Variants in MARCHF6 observed in about 807,000 individuals in gnomAD.
MARCHF6 encodes E3 ubiquitin-protein ligase MARCHF6.
In MARCHF6, 31 loss-of-function variants were observed where a neutral mutation model predicts 133.7. The observed-to-expected ratio is 0.23, with a 90% CI of 0.17 to 0.31. MARCHF6 has a LOEUF of 0.31. Ranked by LOEUF, MARCHF6 falls within the 10% of genes least tolerant of loss-of-function variation. MARCHF6 has a pLI of 1.00. For synonymous variants in MARCHF6, 395 were observed against 402.5 expected, an observed-to-expected ratio of 0.98 and a Z score of 0.22; for missense variants, 723 against 1,121.6, an observed-to-expected ratio of 0.64 and a Z score of 5.08.
chr5:10,403,769 A>G (rs1053724635), intron 15 of MARCHF6, among the ~76,000 whole-genome samples: 2 of 152,202 alleles, frequency 1.3e-5, no homozygotes, highest in Non-Finnish European at 2.9e-5. Context: ...TGAGTTTGAA[A>G]GACGATTCAA....
chr5:10,379,869 G>T (rs368008780), intron 3 of MARCHF6, among the ~76,000 whole-genome samples: 17 of 152,252 alleles, frequency 1.1e-4, no homozygotes, highest in African/African-American at 3.9e-4. Context: ...GCTTCCCAAA[G>T]TGTTGGGATT....
intron 24 of MARCHF6, among the ~76,000 whole-genome samples, chr5:10,428,839 T>C (rs1740226311): frequency 6.6e-6 from 1 of 152,228 alleles, no homozygotes; most frequent in Non-Finnish European, 1.5e-5. Flanking sequence ...TTTTCATTTT[T>C]AAAAATTTTA....
At chr5:10,377,918 A>G (rs761991208) in intron 2 of MARCHF6, 24 bp downstream of exon 2, 3 of 1,445,218 alleles carry the variant, frequency 2.1e-6, no homozygotes, top group Non-Finnish European at 2.9e-6. Context: ...TTAGAAAGTT[A>G]TGTAAGTCTG....
At chr5:10,417,700 G>A (rs1262952771) in intron 22 of MARCHF6, among the ~76,000 whole-genome samples, 1 of 112,884 alleles carries the variant, frequency 8.9e-6, no homozygotes, top group African/African-American at 3.5e-5. Flanking sequence ...CTGGGCAACA[G>A]AGTAAGAGCC....
intron 25 of MARCHF6, among the ~76,000 whole-genome samples, chr5:10,432,686 C>T (rs1001703403): frequency 2.6e-5 from 4 of 152,238 alleles, no homozygotes; most frequent in African/African-American, 9.6e-5. Flanking sequence ...GTTTCTGCAG[C>T]CCTGTGGCCT....
At chr5:10,410,402 A>T in intron 18 of MARCHF6, 126 bp downstream of exon 18, 1 of 1,130,230 alleles carries the variant, frequency 8.8e-7, no homozygotes, top group Non-Finnish European at 1.2e-6. Context: ...CAATTTAGTA[A>T]TATTTGCAAT....
intron 24 of MARCHF6, among the ~76,000 whole-genome samples, chr5:10,428,775 C>T (rs559882056): frequency 1.6e-4 from 25 of 152,170 alleles, no homozygotes; most frequent in Non-Finnish European, 2.8e-4. Context: ...TTATGTTCTG[C>T]CCATTAATAG....
At chr5:10,433,455 A>T in intron 25 of MARCHF6, 139 bp from the exon 26 acceptor site, 1 of 649,662 alleles carries the variant, frequency 1.5e-6, no homozygotes, top group Non-Finnish European at 2.8e-6. Context: ...GTCAGCCTTT[A>T]CAGGTGTTCA....
In MARCHF6 at chr5:10,394,085, A is replaced by C; in HGVS notation, c.770A>C (p.Asp257Ala). ...TAAATTGCAATTATATTTTCAGATG[A>C]CATGAATTGGAATGCTTTAGAATGG... ...AADANNGAQDDMNWNALEWDR... is the reference protein window; with the variant it reads ...AADANNGAQDAMNWNALEWDR... Residue 257 changes from aspartate (D) to alanine (A), a missense_variant, in exon 8 of 26, where the codon GAC becomes GCC. Transcript: ENST00000274140. The C allele has an allele frequency of 6.5e-7, 1 of 1,533,374 alleles. No individual in the cohort carries two copies. Among genetic ancestry groups the C allele is most frequent in the Non-Finnish European group, 8.8e-7 (1 of 1,136,148 alleles). The allele number at this position is 1,533,374 out of a possible 1,614,324, so 95.0% of individuals were successfully genotyped here.
Position 10,369,822 on chromosome 5 carries a change from G to A in MARCHF6, c.20-7976G>A, listed in dbSNP as rs1398429592. On this transcript the variant is annotated intron_variant, in intron 1 of 25. Transcript: ENST00000274140. ...CACATCATCGTTGCATGTATCACTA[G>A]TTCATTTCTTTTTATTGCTTAGTAT... 3.3e-5 allele frequency among the ~76,000 whole-genome samples: 5 copies of A among 151,962 alleles called. No individual in the cohort carries two copies. In the East Asian group the frequency reaches 9.6e-4, roughly 29 times the overall value.
At chr5:10,383,081 T>C (rs1462875236) in intron 4 of MARCHF6, among the ~76,000 whole-genome samples, 4 of 152,202 alleles carry the variant, frequency 2.6e-5, no homozygotes, top group African/African-American at 7.2e-5. Context: ...ATAATTGATA[T>C]CTTCATGTCT....
chr5:10,394,131 T>C lies in MARCHF6; in HGVS notation c.816T>C (p.Leu272=). The C allele has an allele frequency of 6.4e-7, 1 of 1,565,306 alleles. No individual in the cohort carries two copies. Among genetic ancestry groups the C allele is most frequent in the Non-Finnish European group, 8.7e-7 (1 of 1,153,688 alleles). ...AATGGGACCGAGCTGCTGAAGAGCTTACATGGGAAAGAGTAAGACCTTTTT... is the reference window on the plus strand; with the variant it reads ...AATGGGACCGAGCTGCTGAAGAGCTCACATGGGAAAGAGTAAGACCTTTTT... ...ALEWDRAAEE[L]TWERMLGLDG... The change falls in exon 8 of 26, where the codon CTT becomes CTC. Residue 272 remains leucine (L), a synonymous_variant. Transcript: ENST00000274140.
At chr5:10,425,630 A>C (rs1333643575) in intron 23 of MARCHF6, among the ~76,000 whole-genome samples, 1 of 152,208 alleles carries the variant, frequency 6.6e-6, no homozygotes, top group Non-Finnish European at 1.5e-5. Context: ...TCAAATTCCG[A>C]GGTGATGGGG....
intron 1 of MARCHF6, among the ~76,000 whole-genome samples, chr5:10,356,550 C>T (rs781548676): frequency 2.6e-5 from 4 of 151,854 alleles, no homozygotes; most frequent in Non-Finnish European, 4.4e-5. Context: ...AGCGCGCCAC[C>T]TCCCTCTGCT....
chr5:10,437,038 G>C lies in MARCHF6; in HGVS notation c.*3354G>C, dbSNP rs1740680615. 6.6e-6 allele frequency: 1 copy of C among 152,212 alleles called. No individual in the cohort carries two copies. Among genetic ancestry groups the C allele is most frequent in the African/African-American group, 2.4e-5 (1 of 41,450 alleles). The allele number at this position is 152,212 out of a possible 1,614,324, so 9.4% of individuals were successfully genotyped here. On this transcript the variant is annotated 3_prime_UTR_variant, in exon 26 of 26. Coordinates refer to ENST00000274140, the MANE Select transcript of MARCHF6 (RefSeq NM_005885.4). Reference sequence around the variant, plus strand: ...ATGCCACTATTAAAGTGTAATTCTTGAATTTAGGTTGAATTGATGACTTTT... The same window carrying C: ...ATGCCACTATTAAAGTGTAATTCTTCAATTTAGGTTGAATTGATGACTTTT...
At chr5:10,378,708 A>G in intron 2 of MARCHF6, 51 bp from the exon 3 acceptor site, 1 of 1,111,140 alleles carries the variant, frequency 9.0e-7, no homozygotes, top group Non-Finnish European at 1.3e-6. Context: ...ACAAAACTGT[A>G]ATGTTTCTTT....
intron 4 of MARCHF6, among the ~76,000 whole-genome samples, chr5:10,382,612 G>A (rs1263658499): frequency 1.3e-5 from 2 of 152,156 alleles, no homozygotes; most frequent in Non-Finnish European, 2.9e-5. Flanking sequence ...AGCATCACTT[G>A]AGGTCAGGAG....
rs1372282652 is a variant in MARCHF6 at position 10,438,280 on chromosome 5, G to T, written c.*4596G>T. On this transcript the variant is annotated 3_prime_UTR_variant, in exon 26 of 26. Transcript: ENST00000274140. ...ACTTGCGTGATGTTTTTTTCCTTCT[G>T]AGTGCCCTGAGGAGATCCTTTTGCT... is the stretch of plus-strand genomic sequence containing the variant. 6.6e-6 allele frequency: 1 copy of T among 152,110 alleles called. No homozygotes were observed. The highest frequency in any genetic ancestry group is 1.9e-4 in the East Asian group (1 of 5,206). The allele number at this position is 152,110 out of a possible 1,614,324, so 9.4% of individuals were successfully genotyped here. A position where few individuals can be genotyped will look rare whatever the true frequency, so the allele number is the denominator to read the frequency against.
chr5:10,374,909 A>G (rs1409433352), intron 1 of MARCHF6, among the ~76,000 whole-genome samples: 1 of 152,234 alleles, frequency 6.6e-6, no homozygotes, highest in Non-Finnish European at 1.5e-5. Flanking sequence ...CAGCACAGAC[A>G]GGATTGTCCC....
Sources: gnomAD v4.1 joint callset for allele counts (sites outside exome capture counted in the v4.1 genomes callset) on GRCh38, gnomAD v4.1.1 for gene constraint, MANE v1.5 for transcripts, NCBI Gene and HGNC (gene_info 2026-07-23, HGNC 2026-07-21) for gene names.